PRDM4: variants seen among roughly 807,000 people sequenced by gnomAD.
The protein encoded by PRDM4 is PR/SET domain 4.
Under a neutral mutation model 62.3 loss-of-function variants are expected in PRDM4, and 38 were observed. That is an observed-to-expected ratio of 0.61 (90% CI 0.47 to 0.80). The LOEUF (loss-of-function observed/expected upper bound fraction) is 0.80. PRDM4 is among the 30% of genes least tolerant of loss of function. PRDM4 has a pLI of 0.00. For synonymous variants in PRDM4, 339 were observed against 348.2 expected (o/e 0.97, Z 0.30); for missense variants, 858 against 997.1 (o/e 0.86, Z 1.88).
chr12:107,753,436 A>C (rs1191058708), intron 4 of PRDM4, among the ~76,000 whole-genome samples: 2 of 151,922 alleles, frequency 1.3e-5, no homozygotes, highest in Non-Finnish European at 2.9e-5. Flanking sequence ...CTTAATTATG[A>C]AAATTGGTAA....
At position 107,740,938 on chromosome 12, in the gene PRDM4, C is replaced by A. The variant is rs1405176681; in HGVS notation, c.1924+8G>T. ...AAAATTCCATTCTGATGGGCCAACA[C>A]AACTTACCTGTATGTATCTTGAGGT... is the stretch of plus-strand genomic sequence containing the variant. On this transcript the variant is annotated splice_region_variant and intron_variant, in intron 10 of 11. Coordinates refer to ENST00000228437, the MANE Select transcript of PRDM4 (RefSeq NM_012406.4). The A allele has an allele frequency of 6.2e-7, 1 of 1,609,908 alleles. No individual in the cohort carries two copies. The highest frequency in any genetic ancestry group is 1.1e-5 in the South Asian group (1 of 90,854).
In PRDM4 at chr12:107,759,423, A is replaced by C. The variant is rs150315190; in HGVS notation, c.11+1082T>G. ...CTACAGCTGTAACAGCCTACTTAAC[A>C]AATTGGTTACAATATTTTTTTAAAA... On this transcript the variant is annotated intron_variant, in intron 2 of 11. Transcript: ENST00000228437. 7.4e-4 allele frequency among the ~76,000 whole-genome samples: 112 copies of C among 152,340 alleles called. 2 individuals carry two copies. The East Asian group carries it at 0.02, about 27-fold the overall frequency.
chr12:107,749,078 T>C (rs938291158), intron 5 of PRDM4, among the ~76,000 whole-genome samples: 4 of 152,150 alleles, frequency 2.6e-5, no homozygotes, highest in African/African-American at 4.8e-5. Context: ...TCCCGTTGAG[T>C]CTATTTGGAA....
intron 6 of PRDM4, among the ~76,000 whole-genome samples, chr12:107,745,647 T>C (rs1890677457): frequency 6.6e-6 from 1 of 152,212 alleles, no homozygotes; most frequent in African/African-American, 2.4e-5. Context: ...GCAATTACTA[T>C]AGAAATAAAT....
At chr12:107,746,765 G>A (rs1414185000) in intron 5 of PRDM4, among the ~76,000 whole-genome samples, 1 of 152,160 alleles carries the variant, frequency 6.6e-6, no homozygotes, top group Non-Finnish European at 1.5e-5. Context: ...TATTACAGGT[G>A]TAAGCCACCA....
At chr12:107,736,332 T>C (rs1270573300) in intron 11 of PRDM4, among the ~76,000 whole-genome samples, 2 of 152,160 alleles carry the variant, frequency 1.3e-5, no homozygotes, top group African/African-American at 4.8e-5. Context: ...TTAGATAAGA[T>C]AGTCAAGGAA....
Position 107,739,533 on chromosome 12 carries a change from C to A in PRDM4, c.1943G>T (p.Cys648Phe), listed in dbSNP as rs753782418. 6.2e-7 allele frequency: 1 copy of A among 1,613,718 alleles called. No homozygotes were observed. The highest frequency in any genetic ancestry group is 1.7e-5 in the Admixed American group (1 of 59,988). Residue 648 changes from cysteine (C) to phenylalanine (F), a missense_variant, in exon 11 of 12, where the codon TGT (cysteine) becomes TTT (phenylalanine). Coordinates refer to ENST00000228437, the MANE Select transcript of PRDM4 (RefSeq NM_012406.4). ...GGTGAAAGACTTGTCACACAAGGTACACCTGTAGTTCTTCTGACCTGCAAT... is the reference window on the plus strand; with the variant it reads ...GGTGAAAGACTTGTCACACAAGGTAAACCTGTAGTTCTTCTGACCTGCAAT... ...KIHTGQKNYR[C>F]TLCDKSFTQK... is the part of the protein sequence containing the mutation.
At chr12:107,757,078 T>G (rs1185890537) in intron 2 of PRDM4, 113 bp from the exon 3 acceptor site, 1 of 1,038,948 alleles carries the variant, frequency 9.6e-7, no homozygotes, top group Non-Finnish European at 1.4e-6. Flanking sequence ...TGGCCAACTA[T>G]TAGTTCACTT....
chr12:107,740,690 G>A (rs1231248162), intron 10 of PRDM4, among the ~76,000 whole-genome samples: 4 of 152,088 alleles, frequency 2.6e-5, no homozygotes, highest in African/African-American at 7.2e-5. Flanking sequence ...TTCTATTTAA[G>A]ACCAAACACA....
chr12:107,756,369 C>T (rs1402740485), intron 3 of PRDM4, among the ~76,000 whole-genome samples: 1 of 152,178 alleles, frequency 6.6e-6, no homozygotes, highest in Non-Finnish European at 1.5e-5. Flanking sequence ...ACACTTCTTT[C>T]CACATTAATT....
chr12:107,737,909 G>A (rs993210243), intron 11 of PRDM4: 5 of 152,256 alleles, frequency 3.3e-5, no homozygotes, highest in Admixed American at 2.0e-4. Context: ...GCCTTTGGAA[G>A]GCAATTAGGG....
intron 3 of PRDM4, among the ~76,000 whole-genome samples, chr12:107,756,446 C>T (rs1012269202): frequency 4.6e-5 from 7 of 152,160 alleles, no homozygotes; most frequent in Non-Finnish European, 1.0e-4. Flanking sequence ...AAGCCCAATT[C>T]CCCATGCTCT....
chr12:107,749,933 C>T (rs1890836973), intron 5 of PRDM4, among the ~76,000 whole-genome samples: 1 of 152,158 alleles, frequency 6.6e-6, no homozygotes, highest in Non-Finnish European at 1.5e-5. Flanking sequence ...TCTTTTGGTT[C>T]TAGGCACTTA....
intron 3 of PRDM4, among the ~76,000 whole-genome samples, chr12:107,755,281 A>C (rs982286069): frequency 2.0e-5 from 3 of 150,370 alleles, no homozygotes; most frequent in Non-Finnish European, 4.4e-5. Context: ...TTTTCTTTGT[A>C]GAGATGGGGT....
Position 107,760,561 on chromosome 12 carries a change from G to C in PRDM4, c.-46C>G, listed in dbSNP as rs376639128. The C allele has an allele frequency of 2.5e-6, 4 of 1,610,742 alleles. No homozygotes were observed. The Admixed American group carries it at 5.0e-5, about 20-fold the overall frequency. On this transcript the variant is annotated 5_prime_UTR_variant, in exon 2 of 12. Transcript: ENST00000228437. Reference sequence around the variant, plus strand: ...GAGAAAGGAGCGCTCGGGTGGTGGGGAACAGGCATCAGGGTTTGCGTTCCA... The same window carrying C: ...GAGAAAGGAGCGCTCGGGTGGTGGGCAACAGGCATCAGGGTTTGCGTTCCA...
At chr12:107,750,988 C>T (rs916516053) in intron 5 of PRDM4, among the ~76,000 whole-genome samples, 6 of 152,048 alleles carry the variant, frequency 3.9e-5, no homozygotes, top group Non-Finnish European at 7.3e-5. Flanking sequence ...CTGAAACTCC[C>T]GGGCTCAAGC....
chr12:107,756,744 T>C, intron 3 of PRDM4, 88 bp downstream of exon 3: 1 of 1,484,642 alleles, frequency 6.7e-7, no homozygotes, highest in Non-Finnish European at 9.2e-7. Flanking sequence ...CTTCTACCCT[T>C]AAAGGGGCTC....
intron 5 of PRDM4, among the ~76,000 whole-genome samples, chr12:107,749,631 C>T (rs1295854830): frequency 6.6e-6 from 1 of 152,118 alleles, no homozygotes. Flanking sequence ...AATCGATAAG[C>T]TCAACTGGGT....
At chr12:107,756,725 C>CCCTTCTA (rs1309381301) in intron 3 of PRDM4, 107 bp downstream of exon 3, 2 of 1,346,090 alleles carry the variant, frequency 1.5e-6, no homozygotes, top group Non-Finnish European at 2.0e-6. Flanking sequence ...CTTACCTTCT[C>CCCTTCTA]CCTTCTACCT....
Sources: gnomAD v4.1 joint callset for allele counts (sites outside exome capture counted in the v4.1 genomes callset) on GRCh38, gnomAD v4.1.1 for gene constraint, MANE v1.5 for transcripts, NCBI Gene and HGNC (gene_info 2026-07-23, HGNC 2026-07-21) for gene names.